RANBP17: variants seen among roughly 807,000 people sequenced by gnomAD.
RANBP17 encodes the protein ran-binding protein 17.
A neutral mutation model predicts 141.2 loss-of-function variants in RANBP17; 158 were observed. The ratio of observed to expected loss-of-function variants is 1.12; its 90% CI spans 0.98 to 1.28. RANBP17 has a LOEUF of 1.28. RANBP17 is among the 50% of genes most tolerant of loss of function. RANBP17 has a pLI of 0.00. For missense variants in RANBP17, 1,438 were observed against 1,290.7 expected, an observed-to-expected ratio of 1.11 and a Z score of -1.75; for synonymous variants, 430 against 450.0, an observed-to-expected ratio of 0.96 and a Z score of 0.56.
In RANBP17 at chr5:170,892,404, T is replaced by TA. The variant is rs759685136; in HGVS notation, c.275dup (p.Tyr92Ter). ...RMDIRNYILNYVASQPKLAPF... is the reference protein window; with the variant it reads ...RMDIRNYILN Reference sequence around the variant, plus strand: ...CTTTGTAGGAAACTACATTCTGAATTACGTGGCATCACAGCCCAAGCTGGC... The same window carrying TA: ...CTTTGTAGGAAACTACATTCTGAATTAACGTGGCATCACAGCCCAAGCTGGC... The change falls in exon 4 of 28, where the codon TAC (tyrosine) becomes TAAC (stop). Residue 92 changes from tyrosine to a stop codon, truncating the protein, a stop_gained and frameshift_variant. Transcript: ENST00000523189. LOFTEE classifies it high-confidence loss of function. 3 of 1,608,556 alleles carry TA rather than the reference T, an allele frequency of 1.9e-6. No individual in the cohort carries two copies. The highest frequency in any genetic ancestry group is 1.7e-5 in the Admixed American group (1 of 59,400).
chr5:171,280,269 T>G (rs1043680402), intron 25 of RANBP17, among the ~76,000 whole-genome samples: 5 of 152,078 alleles, frequency 3.3e-5, no homozygotes, highest in African/African-American at 9.7e-5. Flanking sequence ...TTGGGCTTTT[T>G]GGGGGTTTTG....
At chr5:170,877,983 C>A in intron 1 of RANBP17, 114 bp from the exon 2 acceptor site, 1 of 660,148 alleles carries the variant, frequency 1.5e-6, no homozygotes, top group Non-Finnish European at 2.3e-6. Flanking sequence ...TATCGATAAA[C>A]ATGTATTGAA....
intron 14 of RANBP17, among the ~76,000 whole-genome samples, chr5:171,002,077 G>T (rs1779241912): frequency 6.6e-6 from 1 of 152,220 alleles, no homozygotes; most frequent in South Asian, 2.1e-4. Flanking sequence ...ACACTGAGAA[G>T]TGATTTCCTT....
At position 171,155,002 on chromosome 5, in the gene RANBP17, C is replaced by T. The variant is rs190273823; in HGVS notation, c.1711-15128C>T. ...CTGAGACAGGAGAATGGCTTGAACC[C>T]GGGAGGCAGAGGTTGCAGTGAGCTG... On this transcript the variant is annotated intron_variant, in intron 14 of 27. Coordinates refer to ENST00000523189, the MANE Select transcript of RANBP17 (RefSeq NM_022897.5). Among the ~76,000 whole-genome samples the T allele has an allele frequency of 6.2e-3, 926 of 148,460 alleles. 7 individuals carry two copies. The highest frequency in any genetic ancestry group is 0.02 in the African/African-American group (807 of 40,178).
At chr5:171,164,612 C>T (rs766413722) in intron 14 of RANBP17, among the ~76,000 whole-genome samples, 9 of 152,074 alleles carry the variant, frequency 5.9e-5, no homozygotes, top group East Asian at 1.9e-4. Flanking sequence ...AAAATAAATA[C>T]GGCTAAGAAA....
At chr5:171,077,348 AAAG>A (rs1784997165) in intron 14 of RANBP17, among the ~76,000 whole-genome samples, 2 of 152,182 alleles carry the variant, frequency 1.3e-5, no homozygotes, top group South Asian at 4.1e-4. Flanking sequence ...TCAAAAAAAA[AAAG>A]AAGTGTACAA....
chr5:171,143,699 A>C (rs1170978727), intron 14 of RANBP17, among the ~76,000 whole-genome samples: 2 of 152,194 alleles, frequency 1.3e-5, no homozygotes, highest in Non-Finnish European at 2.9e-5. Context: ...AGATGAGTGG[A>C]AGAGACAGAT....
intron 14 of RANBP17, among the ~76,000 whole-genome samples, chr5:171,127,375 G>A (rs1756554501): frequency 6.6e-6 from 1 of 152,076 alleles, no homozygotes; most frequent in Non-Finnish European, 1.5e-5. Context: ...AACTGAACTG[G>A]GAAAAGTTGA....
chr5:171,207,667 A>G (rs1199417225), intron 20 of RANBP17: 2 of 152,170 alleles, frequency 1.3e-5, no homozygotes, highest in Admixed American at 6.5e-5. Context: ...GTTGCTTATA[A>G]TAATTGAGTT....
intron 14 of RANBP17, among the ~76,000 whole-genome samples, chr5:171,089,669 T>C (rs1032261980): frequency 2.6e-5 from 4 of 152,130 alleles, no homozygotes; most frequent in Admixed American, 1.3e-4. Context: ...TGGTGCGCCG[T>C]TTTTTAAGCC....
intron 22 of RANBP17, among the ~76,000 whole-genome samples, chr5:171,238,551 G>A (rs1426200458): frequency 6.6e-6 from 1 of 152,034 alleles, no homozygotes; most frequent in African/African-American, 2.4e-5. Context: ...TTTTACCCTG[G>A]CCTTCCCAAC....
At chr5:171,210,387 G>A (rs1217007498) in intron 20 of RANBP17, among the ~76,000 whole-genome samples, 1 of 152,098 alleles carries the variant, frequency 6.6e-6, no homozygotes, top group African/African-American at 2.4e-5. Context: ...ACAGAAAAAG[G>A]AGCATCCCCT....
chr5:170,992,459 TAATC>T (rs1314640078), intron 14 of RANBP17, among the ~76,000 whole-genome samples: 4 of 152,030 alleles, frequency 2.6e-5, no homozygotes, highest in Non-Finnish European at 5.9e-5. Context: ...ATTTCATAAT[TAATC>T]AAGATATGAA....
intron 19 of RANBP17, among the ~76,000 whole-genome samples, chr5:171,201,131 T>C (rs1561758212): frequency 6.6e-6 from 1 of 152,218 alleles, no homozygotes; most frequent in Non-Finnish European, 1.5e-5. Context: ...TTTGTTGTAA[T>C]CCCATCTAGT....
rs180960979 is a variant in RANBP17 at position 171,001,524 on chromosome 5, A to G, written c.1710+33147A>G. Among the ~76,000 whole-genome samples the G allele has an allele frequency of 2.1e-3, 316 of 152,208 alleles. 1 individual carries two copies. Among genetic ancestry groups the G allele is most frequent in the African/African-American group, 7.4e-3 (309 of 41,532 alleles). On this transcript the variant is annotated intron_variant, in intron 14 of 27. Coordinates refer to ENST00000523189, the MANE Select transcript of RANBP17 (RefSeq NM_022897.5). ...CTGGAATGAGACTGGAGCCTAATAA[A>G]AAGGAGTGTCCATGCAGGAGCTTAA...
intron 22 of RANBP17, among the ~76,000 whole-genome samples, chr5:171,231,100 C>CTTTTTT (rs367751794): frequency 4.2e-5 from 5 of 120,050 alleles, no homozygotes; most frequent in East Asian, 2.4e-4. Context: ...CCATGCCTGG[C>CTTTTTT]TTTTTTTTTT....
chr5:171,234,416 T>C (rs1423322018), intron 22 of RANBP17, among the ~76,000 whole-genome samples: 3 of 152,118 alleles, frequency 2.0e-5, no homozygotes, highest in Non-Finnish European at 4.4e-5. Context: ...CTAGAACATA[T>C]TGAGCACAGG....
intron 14 of RANBP17, among the ~76,000 whole-genome samples, chr5:171,161,931 C>T (rs1759379390): frequency 6.6e-6 from 1 of 152,232 alleles, no homozygotes; most frequent in Non-Finnish European, 1.5e-5. Context: ...TTCCCCACCT[C>T]TGCTATCACC....
chr5:171,231,664 T>C (rs558928857), intron 22 of RANBP17, among the ~76,000 whole-genome samples: 5 of 152,336 alleles, frequency 3.3e-5, no homozygotes, highest in African/African-American at 1.2e-4. Flanking sequence ...AAAAAATACA[T>C]AATTATTTCA....
Sources: allele counts gnomAD v4.1 joint callset (sites outside exome capture counted in the v4.1 genomes callset), GRCh38; gene constraint gnomAD v4.1.1; transcripts MANE v1.5; gene names NCBI Gene and HGNC (gene_info 2026-07-23, HGNC 2026-07-21).